Variants in SLC28A1 observed in about 807,000 individuals in gnomAD.
SLC28A1 encodes solute carrier family 28 member 1.
Under a neutral mutation model 74.8 loss-of-function variants are expected in SLC28A1, and 64 were observed. That is an observed-to-expected ratio of 0.86 (90% CI 0.70 to 1.05). The LOEUF is 1.05. SLC28A1 is among the 50% of genes least tolerant of loss of function. The probability of loss-of-function intolerance (pLI) is 0.00; values close to 1 mark genes in which losing one functional copy is unlikely to be tolerated. For missense variants in SLC28A1, 828 were observed against 822.8 expected (o/e 1.01, Z -0.08); for synonymous variants, 359 against 335.0 (o/e 1.07, Z -0.78).
At chr15:84,973,698 T>C in the SLC28A1 span, among the ~76,000 whole-genome samples, 2 of 152,210 alleles carry the variant, frequency 1.3e-5, no homozygotes, top group African/African-American at 4.8e-5. Flanking sequence ...CATCTTGTAA[T>C]TATACGCTCG....
the SLC28A1 span, among the ~76,000 whole-genome samples, chr15:84,971,908 A>G: frequency 6.6e-6 from 1 of 152,092 alleles, no homozygotes. Context: ...CAGCTTCCCA[A>G]AGTGCTGGGA....
the SLC28A1 span, among the ~76,000 whole-genome samples, chr15:84,974,142 G>A: frequency 1.3e-5 from 2 of 152,196 alleles, no homozygotes; most frequent in Admixed American, 6.5e-5. Context: ...CACGATCGTT[G>A]CGGCTGACAT....
intron 6 of SLC28A1, among the ~76,000 whole-genome samples, chr15:84,900,711 G>A (rs537419609): frequency 6.6e-6 from 1 of 152,144 alleles, no homozygotes; most frequent in Admixed American, 6.6e-5. Context: ...GGCTAAGGTA[G>A]GAGGATCACC....
At chr15:84,888,062 A>T (rs1443841782) in intron 3 of SLC28A1, among the ~76,000 whole-genome samples, 1 of 152,126 alleles carries the variant, frequency 6.6e-6, no homozygotes, top group Non-Finnish European at 1.5e-5. Context: ...CACTCATTAA[A>T]CATTGACTGA....
chr15:84,946,112 A>ATATATATATATATATAT (rs57190791), downstream of SLC28A1, among the ~76,000 whole-genome samples: 1 of 13,484 alleles, frequency 7.4e-5, no homozygotes. Context: ...ATATATATAT[A>ATATATATATATATATAT]TTTTTTTTTT....
rs1555451234 is a variant in SLC28A1, at chr15:84,920,460, A to AG, written c.877-527dup. Among the ~76,000 whole-genome samples, 121 of 19,114 alleles carry AG rather than the reference A, an allele frequency of 6.3e-3. 1 individual carries two copies. Among genetic ancestry groups the AG allele is most frequent in the Admixed American group, 0.023 (33 of 1,414 alleles). The allele number at this position is 19,114 out of a possible 152,430, so 12.5% of individuals were successfully genotyped here. A position where few individuals can be genotyped will look rare whatever the true frequency, so the allele number is the denominator to read the frequency against. On this transcript the variant is annotated intron_variant, in intron 10 of 18. Coordinates refer to ENST00000394573, the MANE Select transcript of SLC28A1 (RefSeq NM_004213.5). Reference sequence around the variant, plus strand: ...GGCTCTGTCTTGGAAAGGAAAGGAAAGGAAAGGGGAAGGGGAAGGGGAAGG... The same window carrying AG: ...GGCTCTGTCTTGGAAAGGAAAGGAAAGGGAAAGGGGAAGGGGAAGGGGAAGG...
At chr15:84,894,336 T>A (rs1180083198) in intron 5 of SLC28A1, among the ~76,000 whole-genome samples, 1 of 146,684 alleles carries the variant, frequency 6.8e-6, no homozygotes, top group Non-Finnish European at 1.5e-5. Flanking sequence ...CATGCCACTG[T>A]ACTCCAGCCT....
At chr15:84,946,110 A>ATTTTTTTT (rs1382844934), downstream of SLC28A1, among the ~76,000 whole-genome samples, 3 of 9,594 alleles carry the variant, frequency 3.1e-4, no homozygotes, top group African/African-American at 5.9e-4. Context: ...ATATATATAT[A>ATTTTTTTT]TATTTTTTTT....
chr15:84,946,103 TA>T (rs1243686850), downstream of SLC28A1, among the ~76,000 whole-genome samples: 2 of 31,646 alleles, frequency 6.3e-5, no homozygotes, highest in Admixed American at 3.4e-4. Flanking sequence ...TATATATATA[TA>T]TATATATATT....
intron 9 of SLC28A1, among the ~76,000 whole-genome samples, chr15:84,914,615 GATT>G (rs1968818251): frequency 1.3e-5 from 2 of 152,146 alleles, no homozygotes; most frequent in Admixed American, 1.3e-4. Flanking sequence ...ATGCTATGAG[GATT>G]CATGAGTCCC....
chr15:84,934,046 A>G (rs1971608585), intron 13 of SLC28A1, among the ~76,000 whole-genome samples: 1 of 152,196 alleles, frequency 6.6e-6, no homozygotes. Context: ...ACATTCAGGA[A>G]TGGATTCATC....
chr15:84,894,094 G>A (rs1211581207), intron 5 of SLC28A1, among the ~76,000 whole-genome samples: 1 of 152,152 alleles, frequency 6.6e-6, no homozygotes, highest in East Asian at 1.9e-4. Context: ...GGGAGAGGCC[G>A]GGCGCGGTGG....
chr15:84,932,592 C>A (rs1002226262), intron 12 of SLC28A1, among the ~76,000 whole-genome samples: 1 of 152,282 alleles, frequency 6.6e-6, no homozygotes, highest in Admixed American at 6.5e-5. Context: ...AAAGAGAGAG[C>A]CTAGAGAGGG....
At chr15:84,886,535 G>A (rs1421352496) in intron 1 of SLC28A1, 137 bp from the exon 2 acceptor site, 2 of 985,566 alleles carry the variant, frequency 2.0e-6, no homozygotes, top group African/African-American at 3.5e-5. Flanking sequence ...AGGGAGCCAG[G>A]TTGCAAGTGG....
intron 6 of SLC28A1, among the ~76,000 whole-genome samples, chr15:84,902,949 C>T (rs966042403): frequency 3.3e-5 from 5 of 152,064 alleles, no homozygotes; most frequent in Non-Finnish European, 5.9e-5. Context: ...AGGCTGGTCT[C>T]GAATGCCTGA....
chr15:84,886,843 C>A, intron 2 of SLC28A1, 56 bp downstream of exon 2: 1 of 875,544 alleles, frequency 1.1e-6, no homozygotes, highest in Non-Finnish European at 1.4e-6. Context: ...TGTGTGTGAG[C>A]CAGGGCATTC....
Position 84,908,614 on chromosome 15 carries a change from G to T in SLC28A1, c.718-104G>T, listed in dbSNP as rs935646144. 14 of 918,300 alleles carry T rather than the reference G, an allele frequency of 1.5e-5. No homozygotes were observed. In the Admixed American group the frequency reaches 2.7e-4, roughly 18 times the overall value. 56.9% of individuals were successfully genotyped at this position (918,300 alleles called of 1,614,324 possible). On this transcript the variant is annotated intron_variant, in intron 8 of 18. Coordinates refer to ENST00000394573, the MANE Select transcript of SLC28A1 (RefSeq NM_004213.5). Reference sequence around the variant, plus strand: ...CCCCCCCCGGATAAGGGCCTGGGGGGACTACGTCCCTGGGCCAACCCGCCT... The same window carrying T: ...CCCCCCCCGGATAAGGGCCTGGGGGTACTACGTCCCTGGGCCAACCCGCCT...
chr15:84,894,059 C>A (rs1221510216), intron 5 of SLC28A1, among the ~76,000 whole-genome samples: 2 of 152,142 alleles, frequency 1.3e-5, no homozygotes, highest in African/African-American at 4.8e-5. Context: ...CTTCGAAGAT[C>A]CTGGATTCTG....
At chr15:84,930,657 G>A (rs147980895) in intron 12 of SLC28A1, among the ~76,000 whole-genome samples, 2,826 of 130,362 alleles carry the variant, frequency 0.022, 39 homozygotes, top group Non-Finnish European at 0.032. Flanking sequence ...TCACTCTGTC[G>A]CCCGGGCTGG....
Sources: allele counts gnomAD v4.1 joint callset (sites outside exome capture counted in the v4.1 genomes callset), GRCh38; gene constraint gnomAD v4.1.1; transcripts MANE v1.5; gene names NCBI Gene and HGNC (gene_info 2026-07-23, HGNC 2026-07-21).